TGM6: variants seen among roughly 807,000 people sequenced by gnomAD.
TGM6 encodes the protein protein-glutamine gamma-glutamyltransferase 6.
Under a neutral mutation model 77.5 loss-of-function variants are expected in TGM6, and 74 were observed. That is an observed-to-expected ratio of 0.96 (90% confidence interval 0.79 to 1.16). The LOEUF (loss-of-function observed/expected upper bound fraction) is 1.16, where lower values mean the gene tolerates loss of function less well. Ranked by LOEUF, TGM6 falls within the 50% of genes most tolerant of loss-of-function variation. The probability of loss-of-function intolerance (pLI) is 0.00; values close to 1 mark genes in which losing one functional copy is unlikely to be tolerated. For synonymous variants in TGM6, 383 were observed against 378.9 expected (o/e 1.01, Z -0.12); for missense variants, 968 against 940.2 (o/e 1.03, Z -0.39).
intron 9 of TGM6, among the ~76,000 whole-genome samples, chr20:2,406,564 A>G (rs6076054): frequency 1 from 150,171 of 150,772 alleles, 74,786 homozygotes; most frequent in Middle Eastern, 1. Context: ...AGCTGGGTGC[A>G]GTGGCTCACA....
At chr20:2,394,234 C>T (rs533971675) in intron 1 of TGM6, among the ~76,000 whole-genome samples, 67 of 152,222 alleles carry the variant, frequency 4.4e-4, no homozygotes, top group Non-Finnish European at 7.5e-4. Flanking sequence ...GCAGAGGTTG[C>T]GGTGAATTGA....
chr20:2,404,009 T>C (rs2084733296), intron 9 of TGM6, among the ~76,000 whole-genome samples, 186 bp downstream of exon 9: 1 of 152,258 alleles, frequency 6.6e-6, no homozygotes, highest in Non-Finnish European at 1.5e-5. Context: ...TAGCTTCCTC[T>C]GTTTGCTAAG....
At chr20:2,399,140 GAAAAAA>G (rs760119280) in intron 5 of TGM6, among the ~76,000 whole-genome samples, 1 of 61,118 alleles carries the variant, frequency 1.6e-5, no homozygotes, top group Non-Finnish European at 3.7e-5. Context: ...TTTTGCATCT[GAAAAAA>G]AAAAAAAAAA....
chr20:2,403,650 G>A lies in TGM6; in HGVS notation c.1163G>A (p.Gly388Asp), dbSNP rs2122375873. The change falls in exon 9 of 13, where the codon GGC becomes GAC. Residue 388 changes from glycine to aspartate, a missense_variant. By Grantham distance (94) the Gly-to-Asp change is moderately conservative. Transcript: ENST00000202625. ...REGDVHLAHDGPFVFAEVNAD... is the reference protein window; with the variant it reads ...REGDVHLAHDDPFVFAEVNAD... The stretch of plus-strand genomic sequence containing the variant: ...GGTGATGTGCACCTGGCTCACGATG[G>A]CCCCTTCGTGTTTGCGGAGGTCAAC... The A allele has an allele frequency of 6.2e-7, 1 of 1,614,214 alleles. No individual in the cohort carries two copies. The highest frequency in any genetic ancestry group is 2.2e-5 in the East Asian group (1 of 44,890).
chr20:2,421,089 T>C (rs1215172496), intron 10 of TGM6, among the ~76,000 whole-genome samples: 2 of 151,994 alleles, frequency 1.3e-5, no homozygotes, highest in African/African-American at 4.8e-5. Flanking sequence ...CGGGTTCAAG[T>C]GATTCTCCTG....
intron 10 of TGM6, among the ~76,000 whole-genome samples, chr20:2,423,404 G>A (rs2325847): frequency 0.13 from 20,301 of 151,954 alleles, 1,698 homozygotes; most frequent in African/African-American, 0.23. Flanking sequence ...TTTCAACAAC[G>A]TTTAGAGCAT....
At chr20:2,430,624 T>C (rs2084917873) in intron 11 of TGM6, 24 bp downstream of exon 11, 1 of 1,613,548 alleles carries the variant, frequency 6.2e-7, no homozygotes. Context: ...GCATCTACCA[T>C]GCTGTTCCTA....
chr20:2,395,250 G>T lies in TGM6; in HGVS notation c.238G>T (p.Glu80Ter). 1 of 1,614,100 alleles carries T rather than the reference G, an allele frequency of 6.2e-7. No homozygotes were observed. The highest frequency in any genetic ancestry group is 1.6e-4 in the Middle Eastern group (1 of 6,062). The change falls in exon 3 of 13, where the codon GAG becomes TAG. Residue 80 changes from glutamate to a stop codon, truncating the protein, a stop_gained. Coordinates refer to ENST00000202625, the MANE Select transcript of TGM6 (RefSeq NM_198994.3). LOFTEE classifies it high-confidence loss of function. Reference sequence around the variant, plus strand: ...AGCTGTGTTCCAGACATCGGAGCTGGAGCGGGGTGAGGGCTGGACAGCAGC... The same window carrying T: ...AGCTGTGTTCCAGACATCGGAGCTGTAGCGGGGTGAGGGCTGGACAGCAGC... ...TKAVFQTSEL[E>*]RGEGWTAARE...
chr20:2,425,270 C>A (rs144948566), intron 10 of TGM6, among the ~76,000 whole-genome samples: 1 of 152,012 alleles, frequency 6.6e-6, no homozygotes, highest in Non-Finnish European at 1.5e-5. Context: ...TTGCTTGAGC[C>A]CAAGAGCTGG....
chr20:2,410,432 G>C (rs78484638), intron 9 of TGM6, among the ~76,000 whole-genome samples: 73 of 152,252 alleles, frequency 4.8e-4, no homozygotes, highest in Admixed American at 9.2e-4. Context: ...GGCTCTTCCA[G>C]AGTTATATCC....
intron 9 of TGM6, among the ~76,000 whole-genome samples, chr20:2,407,163 C>A (rs1321301271): frequency 1.3e-5 from 2 of 152,220 alleles, no homozygotes; most frequent in African/African-American, 4.8e-5. Flanking sequence ...CACTGCACTG[C>A]CACTATTTAA....
chr20:2,430,417 C>T, intron 10 of TGM6, 29 bp from the exon 11 acceptor site: 2 of 1,614,088 alleles, frequency 1.2e-6, no homozygotes, highest in East Asian at 2.2e-5. Context: ...ACATCAAGCC[C>T]CAACTCCCAC....
At chr20:2,426,394 A>C (rs1316690178) in intron 10 of TGM6, among the ~76,000 whole-genome samples, 1 of 152,072 alleles carries the variant, frequency 6.6e-6, no homozygotes, top group Non-Finnish European at 1.5e-5. Flanking sequence ...AAGTTCCAGG[A>C]TTTTTTGTTT....
chr20:2,403,919 A>C, intron 9 of TGM6, 96 bp downstream of exon 9: 1 of 1,596,646 alleles, frequency 6.3e-7, no homozygotes, highest in Non-Finnish European at 8.6e-7. Flanking sequence ...GCCTCACCCC[A>C]TGTATATGAC....
chr20:2,420,256 C>CA (rs906214492), intron 10 of TGM6, among the ~76,000 whole-genome samples: 30 of 144,654 alleles, frequency 2.1e-4, no homozygotes, highest in African/African-American at 5.3e-4. Context: ...AAAAAACAAA[C>CA]AAAAAAAAAA....
chr20:2,407,837 C>G (rs1568663081), intron 9 of TGM6, among the ~76,000 whole-genome samples: 2 of 152,058 alleles, frequency 1.3e-5, no homozygotes, highest in Non-Finnish European at 2.9e-5. Flanking sequence ...AAGTAGAGAC[C>G]CTCCTGAGTG....
intron 9 of TGM6, among the ~76,000 whole-genome samples, chr20:2,404,993 A>G (rs1383244888): frequency 6.6e-6 from 1 of 152,100 alleles, no homozygotes; most frequent in African/African-American, 2.4e-5. Context: ...TATATCTTAA[A>G]CAATAATTAC....
At chr20:2,430,357 A>G (rs534299585) in intron 10 of TGM6, 89 bp from the exon 11 acceptor site, 1 of 1,516,084 alleles carries the variant, frequency 6.6e-7, no homozygotes, top group Admixed American at 1.7e-5. Flanking sequence ...GAGAGAAAGG[A>G]GCTATTAGTT....
intron 1 of TGM6, among the ~76,000 whole-genome samples, chr20:2,389,994 AG>A (rs2084619954): frequency 1.3e-5 from 2 of 152,318 alleles, no homozygotes; most frequent in South Asian, 4.1e-4. Context: ...ACTCAGACAT[AG>A]ACTTGCCTCA....
Sources: allele counts gnomAD v4.1 joint callset (sites outside exome capture counted in the v4.1 genomes callset), GRCh38; gene constraint gnomAD v4.1.1; transcripts MANE v1.5; gene names NCBI Gene and HGNC (gene_info 2026-07-23, HGNC 2026-07-21).